The following PPP3R1 variants were observed in gnomAD, a reference collection of about 807,000 sequenced individuals.
PPP3R1 encodes the protein calcineurin subunit B type 1.
PPP3R1 carries 5 observed loss-of-function variants against 22.6 expected under a neutral mutation model. The observed-to-expected ratio is 0.22, with a 90% confidence interval of 0.12 to 0.46. The LOEUF (loss-of-function observed/expected upper bound fraction) is 0.46. Ranked by LOEUF, PPP3R1 falls within the 20% of genes least tolerant of loss-of-function variation. The pLI, the probability that PPP3R1 is intolerant of heterozygous loss-of-function variation, is 0.99. For missense variants in PPP3R1, 61 were observed against 203.2 expected, an observed-to-expected ratio of 0.30 and a Z score of 4.25; for synonymous variants, 56 against 65.2, an observed-to-expected ratio of 0.86 and a Z score of 0.68.
At chr2:68,190,319 C>T (rs1674636780) in intron 2 of PPP3R1, among the ~76,000 whole-genome samples, 1 of 146,120 alleles carries the variant, frequency 6.8e-6, no homozygotes, top group South Asian at 2.2e-4. Context: ...AATCCTAGCA[C>T]TTCAGGAGGC....
chr2:68,182,081 C>A (rs1182775058), intron 5 of PPP3R1, among the ~76,000 whole-genome samples: 1 of 13,680 alleles, frequency 7.3e-5, no homozygotes, highest in Non-Finnish European at 1.2e-4. Context: ...ACCCCCCCCT[C>A]CCCCCACCAC....
chr2:68,198,558 T>C (rs1468187753), intron 2 of PPP3R1, among the ~76,000 whole-genome samples: 1 of 151,530 alleles, frequency 6.6e-6, no homozygotes, highest in Non-Finnish European at 1.5e-5. Context: ...TCATTGATTT[T>C]AGTCTACCTT....
At chr2:68,234,313 A>G (rs183748523) in intron 1 of PPP3R1, among the ~76,000 whole-genome samples, 93 of 152,104 alleles carry the variant, frequency 6.1e-4, no homozygotes, top group Non-Finnish European at 8.2e-4. Context: ...ACTGCACTCC[A>G]GCCTGGGGAA....
chr2:68,209,760 T>C (rs1199958510), intron 2 of PPP3R1, among the ~76,000 whole-genome samples: 1 of 151,976 alleles, frequency 6.6e-6, no homozygotes, highest in African/African-American at 2.4e-5. Context: ...TTTGCCTCCC[T>C]CTGTCGAGTT....
intron 2 of PPP3R1, among the ~76,000 whole-genome samples, chr2:68,202,438 T>TG (rs61277414): frequency 3.6e-3 from 338 of 94,104 alleles, no homozygotes; most frequent in East Asian, 0.015. Context: ...TTGTTGTTGT[T>TG]TTTTGAGATG....
intron 2 of PPP3R1, among the ~76,000 whole-genome samples, chr2:68,204,213 A>G (rs891537292): frequency 2.6e-5 from 4 of 152,158 alleles, no homozygotes; most frequent in Admixed American, 2.6e-4. Context: ...TCAACAGAGT[A>G]TACATTTCCT....
Position 68,244,656 on chromosome 2 carries a change from C to G in PPP3R1, c.3+7469G>C, listed in dbSNP as rs1218672799. Among the ~76,000 whole-genome samples the G allele has an allele frequency of 2.0e-5, 3 of 152,208 alleles. No homozygotes were observed. In the East Asian group the frequency reaches 5.8e-4, roughly 29 times the overall value. On this transcript the variant is annotated intron_variant, in intron 1 of 5. Coordinates refer to ENST00000234310, the MANE Select transcript of PPP3R1 (RefSeq NM_000945.4). ...CTTACAGCTCCCTCTCCTGGCTTTT[C>G]TAATTCTCAAGAATATCCCCATCTT...
intron 2 of PPP3R1, among the ~76,000 whole-genome samples, chr2:68,199,537 A>C (rs1489261602): frequency 6.6e-6 from 1 of 152,196 alleles, no homozygotes; most frequent in East Asian, 1.9e-4. Context: ...TTTCTTCCCC[A>C]ATCTTAGGTA....
chr2:68,220,123 G>C (rs749509685), intron 1 of PPP3R1, among the ~76,000 whole-genome samples: 3 of 152,180 alleles, frequency 2.0e-5, no homozygotes, highest in Non-Finnish European at 4.4e-5. Flanking sequence ...AAAGCCCTTA[G>C]GATCTATGTC....
At chr2:68,201,592 G>A (rs1674976159) in intron 2 of PPP3R1, among the ~76,000 whole-genome samples, 1 of 152,000 alleles carries the variant, frequency 6.6e-6, no homozygotes, top group African/African-American at 2.4e-5. Context: ...TCACTGGTGT[G>A]TTAGTTAGGA....
At chr2:68,186,712 A>G (rs1674554216) in intron 4 of PPP3R1, 60 bp from the exon 5 acceptor site, 1 of 1,376,440 alleles carries the variant, frequency 7.3e-7, no homozygotes, top group Non-Finnish European at 1.0e-6. Flanking sequence ...AAATGCTTTC[A>G]GTAAGAAAGA....
intron 1 of PPP3R1, among the ~76,000 whole-genome samples, chr2:68,219,426 T>C (rs1423424310): frequency 6.6e-6 from 1 of 152,158 alleles, no homozygotes; most frequent in African/African-American, 2.4e-5. Flanking sequence ...CCCTTTATAC[T>C]CCTCTCCACA....
At chr2:68,251,141 T>C (rs967178088) in intron 1 of PPP3R1, 2 of 152,208 alleles carry the variant, frequency 1.3e-5, no homozygotes, top group Non-Finnish European at 2.9e-5. Flanking sequence ...AAGAGGAAAC[T>C]AACGACTAGG....
intron 1 of PPP3R1, among the ~76,000 whole-genome samples, chr2:68,243,868 TA>T (rs1670179921): frequency 1.3e-5 from 2 of 151,880 alleles, no homozygotes; most frequent in South Asian, 2.1e-4. Context: ...TAATAAGAAC[TA>T]AATTATAATA....
chr2:68,198,633 T>C (rs1006675448), intron 2 of PPP3R1, among the ~76,000 whole-genome samples: 1 of 152,122 alleles, frequency 6.6e-6, no homozygotes. Flanking sequence ...ACTTTTACTT[T>C]GTTCTGTTTT....
At chr2:68,227,231 A>G (rs1669799585) in intron 1 of PPP3R1, among the ~76,000 whole-genome samples, 1 of 152,066 alleles carries the variant, frequency 6.6e-6, no homozygotes, top group Non-Finnish European at 1.5e-5. Context: ...ATTCCTACAG[A>G]TCTGATCCCA....
chr2:68,185,210 TC>T (rs1674509239), intron 5 of PPP3R1, among the ~76,000 whole-genome samples: 1 of 141,214 alleles, frequency 7.1e-6, no homozygotes, highest in Non-Finnish European at 1.5e-5. Flanking sequence ...AGAGTGAGAC[TC>T]CGTTTCAAAA....
At chr2:68,196,319 AG>A (rs34129011) in intron 2 of PPP3R1, among the ~76,000 whole-genome samples, 36,813 of 152,024 alleles carry the variant, frequency 0.24, 4,673 homozygotes, top group African/African-American at 0.29. Flanking sequence ...AAAATCCACC[AG>A]GGGGCGCAGC....
At chr2:68,228,703 T>G (rs1471724770) in intron 1 of PPP3R1, among the ~76,000 whole-genome samples, 2 of 152,010 alleles carry the variant, frequency 1.3e-5, no homozygotes, top group Non-Finnish European at 2.9e-5. Flanking sequence ...CATCTTTTTT[T>G]CTAGGTTCTT....
Sources: gnomAD v4.1 joint callset for allele counts (sites outside exome capture counted in the v4.1 genomes callset) on GRCh38, gnomAD v4.1.1 for gene constraint, MANE v1.5 for transcripts, NCBI Gene and HGNC (gene_info 2026-07-23, HGNC 2026-07-21) for gene names.